The following KCTD7 variants were observed in gnomAD, a reference collection of about 807,000 sequenced individuals.
KCTD7 encodes BTB/POZ domain-containing protein KCTD7.
KCTD7 carries 15 observed loss-of-function variants against 27.0 expected under a neutral mutation model. The observed-to-expected ratio is 0.56, with a 90% CI of 0.37 to 0.86. The LOEUF (loss-of-function observed/expected upper bound fraction) is 0.86, where lower values mean the gene tolerates loss of function less well. Among genes scored for constraint, KCTD7 ranks in the 40% least tolerant of loss-of-function variants. The pLI is 0.00. For synonymous variants in KCTD7, 159 were observed against 162.7 expected (o/e 0.98, Z 0.17); for missense variants, 299 against 398.9 (o/e 0.75, Z 2.13).
chr7:66,640,314 TTTTTGTTTTACTCACTTCTTTATA>T lies in KCTD7; in HGVS notation c.*1096_*1119del. 6.5e-7 allele frequency: 1 copy of T among 1,534,696 alleles called. No individual in the cohort carries two copies. The highest frequency in any genetic ancestry group is 8.7e-7 in the Non-Finnish European group (1 of 1,145,596). ...TTTTGTTTTACTCCTCACTCCTCTA[TTTTTGTTTTACTCACTTCTTTATA>T]TTTTGTTTTACTCCTCACTCCTGTA... On this transcript the variant is annotated 3_prime_UTR_variant, in exon 4 of 4. Transcript: ENST00000639828.
rs754958440 is a variant in KCTD7 at position 66,638,340 on chromosome 7, C to A, written c.402C>A (p.Ile134=). The change falls in exon 3 of 4, where the codon ATC becomes ATA. Residue 134 remains isoleucine, a synonymous_variant. Transcript: ENST00000639828. ...ACAAAGAGGCCCAGTACTATGCCAT[C>A]GGGCCCCTCCTGGAGCAGCTGGAGA... ...AVYKEAQYYA[I]GPLLEQLENM... is the part of the protein sequence containing the mutation. 1 of 1,614,214 alleles carries A rather than the reference C, an allele frequency of 6.2e-7. No individual in the cohort carries two copies.
rs1474186326 is a variant in KCTD7, at chr7:66,641,415, C to T, written c.*2183C>T. ...GACCCCTTCTGCTTCCCCCTTCTCC[C>T]ATGGAGCATGGCAGGGCTTGGTTAT... On this transcript the variant is annotated 3_prime_UTR_variant, in exon 4 of 4. Coordinates refer to ENST00000639828, the MANE Select transcript of KCTD7 (RefSeq NM_153033.5). 6.1e-6 allele frequency: 6 copies of T among 985,308 alleles called. No homozygotes were observed. In the African/African-American group the frequency reaches 8.7e-5, roughly 14 times the overall value. 61.0% of individuals were successfully genotyped at this position (985,308 alleles called of 1,614,324 possible). A position where few individuals can be genotyped will look rare whatever the true frequency, so the allele number is the denominator to read the frequency against.
chr7:66,641,879 A>C lies in KCTD7; in HGVS notation c.*2647A>C, dbSNP rs1786726537. The C allele has an allele frequency of 1.0e-6, 1 of 985,472 alleles. No homozygotes were observed. The highest frequency in any genetic ancestry group is 1.2e-6 in the Non-Finnish European group (1 of 829,948). 61.0% of individuals were successfully genotyped at this position (985,472 alleles called of 1,614,324 possible). A position where few individuals can be genotyped will look rare whatever the true frequency, so the allele number is the denominator to read the frequency against. ...GATCCCTTTTCAACTCTAAATGGCC[A>C]GGCCCAGAACAGAAGAAGGGTTGGG... On this transcript the variant is annotated 3_prime_UTR_variant, in exon 4 of 4. Transcript: ENST00000639828.
rs3069693 is a variant in KCTD7, at chr7:66,634,113, CATATATATATATAT to C, written c.314+680_314+693del. On this transcript the variant is annotated intron_variant, in intron 2 of 3. Coordinates refer to ENST00000639828, the MANE Select transcript of KCTD7 (RefSeq NM_153033.5). ...ATATGTATATATGGGTGTGTGTATACATATATATATATATATATATATATGTATATATATGAGCT... is the reference window on the plus strand; with the variant it reads ...ATATGTATATATGGGTGTGTGTATACATATATATATGTATATATATGAGCT... Among the ~76,000 whole-genome samples, 7 of 132,258 alleles carry C rather than the reference CATATATATATATAT, an allele frequency of 5.3e-5. No homozygotes were observed. The East Asian group carries it at 1.5e-3, about 28-fold the overall frequency. 86.8% of individuals were successfully genotyped at this position (132,258 alleles called of 152,430 possible). A position where few individuals can be genotyped will look rare whatever the true frequency, so the allele number is the denominator to read the frequency against.
At chr7:66,630,606 G>A (rs746205250) in intron 1 of KCTD7, among the ~76,000 whole-genome samples, 9 of 152,230 alleles carry the variant, frequency 5.9e-5, no homozygotes, top group Non-Finnish European at 1.3e-4. Context: ...TTGGGAAGCA[G>A]ATAGTGTTGT....
intron 2 of KCTD7, among the ~76,000 whole-genome samples, chr7:66,637,258 G>T (rs1008141997): frequency 6.6e-6 from 1 of 152,096 alleles, no homozygotes; most frequent in African/African-American, 2.4e-5. Flanking sequence ...GCTAATTTTT[G>T]TATTTTTAGT....
At position 66,641,822 on chromosome 7, in the gene KCTD7, G is replaced by T. The variant is rs1485653050; in HGVS notation, c.*2590G>T. On this transcript the variant is annotated 3_prime_UTR_variant, in exon 4 of 4. Transcript: ENST00000639828. ...GTGGTAACGGCCTCCAGATAAAGGG[G>T]TTATCCCTGTGGAAGTGACTTTTCC... The T allele has an allele frequency of 7.1e-6, 7 of 985,456 alleles. No individual in the cohort carries two copies. The highest frequency in any genetic ancestry group is 8.4e-6 in the Non-Finnish European group (7 of 829,950). The allele number at this position is 985,456 out of a possible 1,614,324, so 61.0% of individuals were successfully genotyped here. A position where few individuals can be genotyped will look rare whatever the true frequency, so the allele number is the denominator to read the frequency against.
In KCTD7 at chr7:66,638,421, C is replaced by A. The variant is rs1268077611; in HGVS notation, c.483C>A (p.Pro161=). Residue 161 remains proline, a synonymous_variant, in exon 3 of 4, where the codon CCC becomes CCA. Transcript: ENST00000639828. ...KVRQAFLGLM[P]YYKDHLERIV... ...GCCAAGCGTTTCTGGGACTCATGCC[C>A]TATTACAAAGGTGAGGGTCAGCTGC... 6.2e-7 allele frequency: 1 copy of A among 1,613,882 alleles called. No homozygotes were observed. Among genetic ancestry groups the A allele is most frequent in the African/African-American group, 1.3e-5 (1 of 74,894 alleles).
At position 66,628,946 on chromosome 7, in the gene KCTD7, C is replaced by T. The variant is rs1046817016; in HGVS notation, c.-119C>T. ...CTCCCGCCTGCGCACTGCCTCTCGC[C>T]CCCCTCCGGCCAGCCCGCAGCCGGC... On this transcript the variant is annotated 5_prime_UTR_variant, in exon 1 of 4. Transcript: ENST00000639828. 7.7e-6 allele frequency: 8 copies of T among 1,045,228 alleles called. No individual in the cohort carries two copies. The highest frequency in any genetic ancestry group is 8.9e-6 in the Non-Finnish European group (7 of 783,666). 64.7% of individuals were successfully genotyped at this position (1,045,228 alleles called of 1,614,324 possible).
In KCTD7 at chr7:66,640,597, G is replaced by C. The variant is rs1281632337; in HGVS notation, c.*1365G>C. The C allele has an allele frequency of 7.2e-7, 1 of 1,396,680 alleles. No individual in the cohort carries two copies. Among genetic ancestry groups the C allele is most frequent in the African/African-American group, 1.5e-5 (1 of 68,160 alleles). 86.5% of individuals were successfully genotyped at this position (1,396,680 alleles called of 1,614,324 possible). A position where few individuals can be genotyped will look rare whatever the true frequency, so the allele number is the denominator to read the frequency against. On this transcript the variant is annotated 3_prime_UTR_variant, in exon 4 of 4. Coordinates refer to ENST00000639828, the MANE Select transcript of KCTD7 (RefSeq NM_153033.5). ...TTGTACCTGTCTCTTCCTGGGTAAA[G>C]GGAGATTTTTTTTTTTAATGTGTAA...
At chr7:66,636,650 A>G (rs1257507825) in intron 2 of KCTD7, among the ~76,000 whole-genome samples, 5 of 152,044 alleles carry the variant, frequency 3.3e-5, no homozygotes, top group African/African-American at 9.7e-5. Flanking sequence ...GCTTGCACCT[A>G]TGGTCCCAGT....
rs779492935 is a variant in KCTD7 at position 66,642,861 on chromosome 7, T to C, written c.*3629T>C. Reference sequence around the variant, plus strand: ...GGTTGAGGGAGGTGGGAACAAACAGTGAGTATGGGAACAGGCAGTCACCTC... The same window carrying C: ...GGTTGAGGGAGGTGGGAACAAACAGCGAGTATGGGAACAGGCAGTCACCTC... On this transcript the variant is annotated 3_prime_UTR_variant, in exon 4 of 4. Coordinates refer to ENST00000639828, the MANE Select transcript of KCTD7 (RefSeq NM_153033.5). 113 of 984,836 alleles carry C rather than the reference T, an allele frequency of 1.1e-4. No individual in the cohort carries two copies. The highest frequency in any genetic ancestry group is 1.3e-4 in the Non-Finnish European group (111 of 829,866). The allele number at this position is 984,836 out of a possible 1,614,324, so 61.0% of individuals were successfully genotyped here.
chr7:66,632,355 CA>C (rs534808321), intron 1 of KCTD7, among the ~76,000 whole-genome samples: 4 of 151,750 alleles, frequency 2.6e-5, no homozygotes, highest in Admixed American at 6.6e-5. Flanking sequence ...GTCGTGGTGG[CA>C]GGCACCTGTA....
chr7:66,641,143 C>T lies in KCTD7; in HGVS notation c.*1911C>T, dbSNP rs565110569. ...TCATTCACGTTCTGAGATATGCGCT[C>T]TCTCTATTGTTCTCGTACACAAAGG... On this transcript the variant is annotated 3_prime_UTR_variant, in exon 4 of 4. Coordinates refer to ENST00000639828, the MANE Select transcript of KCTD7 (RefSeq NM_153033.5). 2.1e-5 allele frequency: 21 copies of T among 985,428 alleles called. No individual in the cohort carries two copies. The African/African-American group carries it at 3.5e-4, about 16-fold the overall frequency. The allele number at this position is 985,428 out of a possible 1,614,324, so 61.0% of individuals were successfully genotyped here.
chr7:66,636,294 A>G (rs566887293), intron 2 of KCTD7, among the ~76,000 whole-genome samples: 29 of 152,034 alleles, frequency 1.9e-4, no homozygotes, highest in South Asian at 1.2e-3. Flanking sequence ...GGACCATGGT[A>G]GATGTGGGTG....
rs1457699980 is a variant in KCTD7, at chr7:66,629,186, C to G, written c.122C>G (p.Ala41Gly). 2.7e-6 allele frequency: 4 copies of G among 1,497,528 alleles called. No homozygotes were observed. The highest frequency in any genetic ancestry group is 3.6e-6 in the Non-Finnish European group (4 of 1,121,510). 92.8% of individuals were successfully genotyped at this position (1,497,528 alleles called of 1,614,324 possible). The change falls in exon 1 of 4, where the codon GCG becomes GGG. Residue 41 changes from alanine to glycine, a missense_variant. Coordinates refer to ENST00000639828, the MANE Select transcript of KCTD7 (RefSeq NM_153033.5). The part of the protein sequence containing the change: ...ATPTATQAGH[A>G]LPLLPQEFPE... ...CCGACGGCCACGCAGGCGGGGCACG[C>G]GCTGCCCCTGCTGCCACAGGAGGTA...
chr7:66,641,457 C>G lies in KCTD7; in HGVS notation c.*2225C>G, dbSNP rs965230084. 52 of 985,274 alleles carry G rather than the reference C, an allele frequency of 5.3e-5. No homozygotes were observed. In the African/African-American group the frequency reaches 7.2e-4, roughly 14 times the overall value. 61.0% of individuals were successfully genotyped at this position (985,274 alleles called of 1,614,324 possible). On this transcript the variant is annotated 3_prime_UTR_variant, in exon 4 of 4. Coordinates refer to ENST00000639828, the MANE Select transcript of KCTD7 (RefSeq NM_153033.5). ...CTTGGTTATTTAGAGTCCATACATG[C>G]AAGCCATTGAGAGACTTGTTTGCTC...
At position 66,640,694 on chromosome 7, in the gene KCTD7, C is replaced by G; in HGVS notation, c.*1462C>G. 1 of 1,237,786 alleles carries G rather than the reference C, an allele frequency of 8.1e-7. No homozygotes were observed. The highest frequency in any genetic ancestry group is 2.2e-5 in the South Asian group (1 of 45,094). The allele number at this position is 1,237,786 out of a possible 1,614,324, so 76.7% of individuals were successfully genotyped here. On this transcript the variant is annotated 3_prime_UTR_variant, in exon 4 of 4. Coordinates refer to ENST00000639828, the MANE Select transcript of KCTD7 (RefSeq NM_153033.5). ...GCACACGCCTGTAGTCCAGGCCACT[C>G]GAGCACACACCTGTAGTACCAGCTA...
In KCTD7 at chr7:66,640,853, A is replaced by T; in HGVS notation, c.*1621A>T. 2.0e-6 allele frequency: 2 copies of T among 983,724 alleles called. No individual in the cohort carries two copies. Among genetic ancestry groups the T allele is most frequent in the Non-Finnish European group, 2.4e-6 (2 of 828,030 alleles). 60.9% of individuals were successfully genotyped at this position (983,724 alleles called of 1,614,324 possible). ...CGTAAAAATAAATAAATAAATAAAT[A>T]AATTGGGGAGGACAGCCTCACTGGT... On this transcript the variant is annotated 3_prime_UTR_variant, in exon 4 of 4. Coordinates refer to ENST00000639828, the MANE Select transcript of KCTD7 (RefSeq NM_153033.5).
Sources: gnomAD v4.1 joint callset for allele counts (sites outside exome capture counted in the v4.1 genomes callset) on GRCh38, gnomAD v4.1.1 for gene constraint, MANE v1.5 for transcripts, NCBI Gene and HGNC (gene_info 2026-07-23, HGNC 2026-07-21) for gene names.